L3MBTL3: variants seen among roughly 807,000 people sequenced by gnomAD.
L3MBTL3 encodes the protein L3MBTL histone methyl-lysine binding protein 3.
L3MBTL3 carries 27 observed loss-of-function variants against 102.3 expected under a neutral mutation model. The ratio of observed to expected loss-of-function variants is 0.26; its 90% CI spans 0.19 to 0.36. The LOEUF (loss-of-function observed/expected upper bound fraction) is 0.36. Ranked by LOEUF, L3MBTL3 falls within the 10% of genes least tolerant of loss-of-function variation. The probability of loss-of-function intolerance (pLI) is 1.00; values close to 1 mark genes in which losing one functional copy is unlikely to be tolerated. For missense variants in L3MBTL3, 798 were observed against 955.3 expected (o/e 0.84, Z 2.17); for synonymous variants, 340 against 320.9 (o/e 1.06, Z -0.64).
chr6:130,133,437 G>A lies in L3MBTL3; in HGVS notation c.1967-15G>A, dbSNP rs1410974628. 2 of 1,611,764 alleles carry A rather than the reference G, an allele frequency of 1.2e-6. No individual in the cohort carries two copies. The highest frequency in any genetic ancestry group is 1.1e-5 in the South Asian group (1 of 91,008). On this transcript the variant is annotated splice_polypyrimidine_tract_variant and intron_variant, in intron 20 of 22. Transcript: ENST00000361794. The surrounding 1 kb of genome is among the most constrained non-coding windows in gnomAD (Gnocchi z 4.9). Reference sequence around the variant, plus strand: ...GCTTTCAGAGAGTGATTTCCCATTTGTTTTCATTGACCAGGTGCCCGGGAA... The same window carrying A: ...GCTTTCAGAGAGTGATTTCCCATTTATTTTCATTGACCAGGTGCCCGGGAA...
intron 15 of L3MBTL3, among the ~76,000 whole-genome samples, chr6:130,084,276 T>G (rs1278736483): frequency 6.6e-6 from 1 of 152,154 alleles, no homozygotes; most frequent in Non-Finnish European, 1.5e-5. Context: ...AAGTGAAATA[T>G]ATTTCTCATT....
intron 2 of L3MBTL3, among the ~76,000 whole-genome samples, chr6:130,034,787 G>A (rs1210790435): frequency 6.6e-6 from 1 of 152,212 alleles, no homozygotes; most frequent in Non-Finnish European, 1.5e-5. Context: ...TTTATGGCAT[G>A]TGTGATTCAG....
At chr6:130,039,601 T>TTA (rs148663274) in intron 2 of L3MBTL3, among the ~76,000 whole-genome samples, 159 of 149,804 alleles carry the variant, frequency 1.1e-3, no homozygotes, top group Middle Eastern at 3.5e-3. Flanking sequence ...TTTTTATAGT[T>TTA]TATATATATA....
At chr6:130,061,664 C>T (rs558502807) in intron 10 of L3MBTL3, among the ~76,000 whole-genome samples, 1 of 152,050 alleles carries the variant, frequency 6.6e-6, no homozygotes, top group East Asian at 1.9e-4. Context: ...TTGTTAGACC[C>T]TTTTGAGTTG....
At chr6:130,054,938 G>A (rs553080602) in intron 7 of L3MBTL3, 6 of 461,926 alleles carry the variant, frequency 1.3e-5, no homozygotes, top group African/African-American at 1.0e-4. Flanking sequence ...AAGGAGCGGG[G>A]AGCGGTGTCC....
intron 16 of L3MBTL3, among the ~76,000 whole-genome samples, chr6:130,091,515 C>T (rs1360386991): frequency 6.6e-6 from 1 of 151,996 alleles, no homozygotes; most frequent in Non-Finnish European, 1.5e-5. Context: ...GACCAACTGC[C>T]CTTTCACACA....
Position 130,104,448 on chromosome 6 carries a change from G to C in L3MBTL3, c.1759G>C (p.Glu587Gln). The C allele has an allele frequency of 6.4e-7, 1 of 1,567,314 alleles. No homozygotes were observed. Among genetic ancestry groups the C allele is most frequent in the South Asian group, 1.2e-5 (1 of 80,348 alleles). The change falls in exon 19 of 23, where the codon GAA becomes CAA. Residue 587 changes from glutamate (E) to glutamine (Q), a missense_variant. This residue lies in a region of L3MBTL3 where 306 missense variants were observed against 314.4 expected (regional missense o/e 0.97). Transcript: ENST00000361794. ...PHSAANCPYS[E>Q]INLNKDRIFP... Reference sequence around the variant, plus strand: ...TAGTGCTGCCAACTGTCCCTATTCAGAAATCAATTTGAATAAAGACCGTAT... The same window carrying C: ...TAGTGCTGCCAACTGTCCCTATTCACAAATCAATTTGAATAAAGACCGTAT...
intron 2 of L3MBTL3, among the ~76,000 whole-genome samples, chr6:130,027,802 A>G (rs574281760): frequency 6.6e-6 from 1 of 152,220 alleles, no homozygotes; most frequent in Admixed American, 6.5e-5. Context: ...ATTTTAGTTC[A>G]TGCATATTTA....
chr6:130,057,581 A>G (rs1781590485), intron 9 of L3MBTL3, 84 bp downstream of exon 9: 3 of 1,135,256 alleles, frequency 2.6e-6, no homozygotes, highest in African/African-American at 1.6e-5. Context: ...TTCCACTGAA[A>G]TTTGACTTGG....
intron 13 of L3MBTL3, among the ~76,000 whole-genome samples, chr6:130,075,031 A>G (rs929808880): frequency 2.0e-5 from 3 of 152,144 alleles, no homozygotes; most frequent in African/African-American, 7.2e-5. Context: ...TTCTTAGAGC[A>G]GTGTCAGTTA....
chr6:130,049,333 A>G lies in L3MBTL3; in HGVS notation c.154A>G (p.Met52Val). ...GGAAGTTATTACAGATGAGAATGAG[A>G]TGGAAAATGTTAAAAAAGCAACTGC... ...ALEVITDENE[M>V]ENVKKATATT... The change falls in exon 4 of 23, where the codon ATG (methionine) becomes GTG (valine). Residue 52 changes from methionine (M) to valine (V), a missense_variant. Met to Val is a conservative substitution (Grantham distance 21). This residue lies in a region of L3MBTL3 where 434 missense variants were observed against 506.6 expected (regional missense o/e 0.86). Transcript: ENST00000361794. 6.2e-7 allele frequency: 1 copy of G among 1,613,948 alleles called. No individual in the cohort carries two copies. The highest frequency in any genetic ancestry group is 8.5e-7 in the Non-Finnish European group (1 of 1,179,868).
intron 20 of L3MBTL3, 141 bp downstream of exon 20, chr6:130,121,099 G>T: frequency 1.7e-6 from 1 of 603,374 alleles, no homozygotes; most frequent in Non-Finnish European, 2.9e-6. Flanking sequence ...TTAGGTTCAG[G>T]GATACATGTG....
At chr6:130,101,952 G>A (rs574334032) in intron 18 of L3MBTL3, among the ~76,000 whole-genome samples, 42 of 152,258 alleles carry the variant, frequency 2.8e-4, no homozygotes, top group Non-Finnish European at 5.3e-4. Context: ...ATGGCGATGC[G>A]TGAAATAGTG....
intron 20 of L3MBTL3, among the ~76,000 whole-genome samples, chr6:130,128,390 A>C (rs992031188): frequency 6.6e-5 from 10 of 152,112 alleles, no homozygotes; most frequent in African/African-American, 1.9e-4. Context: ...ACACCATATC[A>C]TGGTTAGAGG....
chr6:130,036,648 A>G (rs556902284), intron 2 of L3MBTL3, among the ~76,000 whole-genome samples: 1 of 152,284 alleles, frequency 6.6e-6, no homozygotes, highest in African/African-American at 2.4e-5. Context: ...TTGTACATAT[A>G]TGGTTTTTAG....
intron 17 of L3MBTL3, 99 bp from the exon 18 acceptor site, chr6:130,094,166 G>A: frequency 1.2e-6 from 1 of 809,828 alleles, no homozygotes; most frequent in Non-Finnish European, 1.9e-6. Context: ...TGGATTTTTA[G>A]GGAGTCTTTT....
intron 8 of L3MBTL3, 61 bp downstream of exon 8, chr6:130,055,316 G>A: frequency 7.5e-7 from 1 of 1,327,048 alleles, no homozygotes; most frequent in Non-Finnish European, 1.1e-6. Context: ...GGTTCACACA[G>A]GTGGAAATTT....
In L3MBTL3 at chr6:130,133,366, C is replaced by T. The variant is rs184349928; in HGVS notation, c.1967-86C>T. The T allele has an allele frequency of 5.4e-5, 69 of 1,286,646 alleles. No individual in the cohort carries two copies. The African/African-American group carries it at 9.4e-4, about 17-fold the overall frequency. 79.7% of individuals were successfully genotyped at this position (1,286,646 alleles called of 1,614,324 possible). A position where few individuals can be genotyped will look rare whatever the true frequency, so the allele number is the denominator to read the frequency against. Reference sequence around the variant, plus strand: ...CCAATGCTTTAACCACTCCCACCTCCAGTCTCGTTATCTGGGAGATGCACG... The same window carrying T: ...CCAATGCTTTAACCACTCCCACCTCTAGTCTCGTTATCTGGGAGATGCACG... On this transcript the variant is annotated intron_variant, in intron 20 of 22. Coordinates refer to ENST00000361794, the MANE Select transcript of L3MBTL3 (RefSeq NM_032438.4). This position sits in a 1 kb window ranked among gnomAD's most constrained non-coding sequence, Gnocchi z 4.9.
chr6:130,048,041 T>C (rs1199025840), intron 3 of L3MBTL3, among the ~76,000 whole-genome samples: 1 of 152,222 alleles, frequency 6.6e-6, no homozygotes, highest in Non-Finnish European at 1.5e-5. Context: ...CATTTAATAA[T>C]TGTGGACTAT....
Sources: allele counts gnomAD v4.1 joint callset (sites outside exome capture counted in the v4.1 genomes callset), GRCh38; gene constraint gnomAD v4.1.1; regional missense constraint gnomAD v4.1.1; non-coding constraint Gnocchi (gnomAD v3.1); transcripts MANE v1.5; gene names NCBI Gene and HGNC (gene_info 2026-07-23, HGNC 2026-07-21).